ISY1: variants seen among roughly 807,000 people sequenced by gnomAD.
ISY1 encodes the protein pre-mRNA-splicing factor ISY1 homolog.
A neutral mutation model predicts 54.4 loss-of-function variants in ISY1; 12 were observed. That is an observed-to-expected ratio of 0.22 (90% CI 0.14 to 0.36). The LOEUF is 0.36. ISY1 is among the 10% of genes least tolerant of loss of function. ISY1 has a pLI of 1.00. For synonymous variants in ISY1, 96 were observed against 117.9 expected (o/e 0.81, Z 1.20); for missense variants, 282 against 342.2 (o/e 0.82, Z 1.39).
chr3:129,158,442 A>C (rs1482411518), intron 3 of ISY1, 66 bp downstream of exon 3: 1 of 1,599,420 alleles, frequency 6.3e-7, no homozygotes, highest in African/African-American at 1.3e-5. Context: ...TACAGGCATG[A>C]GCCACTGCAC....
In ISY1 at chr3:129,134,187, C is replaced by G. The variant is rs563215458; in HGVS notation, c.550G>C (p.Glu184Gln). 3.1e-6 allele frequency: 5 copies of G among 1,614,062 alleles called. No homozygotes were observed. Among genetic ancestry groups the G allele is most frequent in the African/African-American group, 1.3e-5 (1 of 74,940 alleles). ...EQEYEKKLRA[E>Q]LVEKWKAERE... ...TCTGCTTTCCACTTTTCCACTAACT[C>G]GGCTCTGACTGAACACAAGAGAGGG... The change falls in exon 9 of 11, where the codon GAG becomes CAG. Residue 184 changes from glutamate (E) to glutamine (Q), a missense_variant. Around this residue, in one of 2 missense-constraint regions of ISY1, gnomAD observed 279 missense variants for 323.6 expected, o/e 0.86. Coordinates refer to ENST00000393295, the MANE Select transcript of ISY1 (RefSeq NM_020701.4).
chr3:129,130,509 G>A (rs751872252), intron 10 of ISY1, 41 bp downstream of exon 10: 2 of 1,609,106 alleles, frequency 1.2e-6, no homozygotes, highest in Non-Finnish European at 8.5e-7. Flanking sequence ...CTGCTTTAGA[G>A]AAGCCCCCGG....
chr3:129,139,927 C>A (rs1936557860), intron 7 of ISY1, among the ~76,000 whole-genome samples: 4 of 152,196 alleles, frequency 2.6e-5, no homozygotes, highest in Admixed American at 2.6e-4. Context: ...CAGGCATGAG[C>A]CACAGTGCTG....
chr3:129,136,703 T>C (rs1357821652), intron 7 of ISY1, among the ~76,000 whole-genome samples: 1 of 150,296 alleles, frequency 6.7e-6, no homozygotes, highest in East Asian at 2.0e-4. Context: ...TTTTTTTTTT[T>C]TTTAAAGACA....
intron 3 of ISY1, among the ~76,000 whole-genome samples, 163 bp downstream of exon 3, chr3:129,158,342 AAAG>A (rs1417771908): frequency 6.6e-6 from 1 of 151,518 alleles, no homozygotes; most frequent in Admixed American, 6.6e-5. Flanking sequence ...TATTTTTTGT[AAAG>A]AAGGGATTTT....
At chr3:129,142,449 T>C (rs1936648113) in intron 6 of ISY1, among the ~76,000 whole-genome samples, 1 of 152,222 alleles carries the variant, frequency 6.6e-6, no homozygotes, top group Non-Finnish European at 1.5e-5. Context: ...CATGATGTAT[T>C]GTAACCTACC....
chr3:129,141,354 C>T (rs1431806883), intron 6 of ISY1, among the ~76,000 whole-genome samples: 1 of 152,076 alleles, frequency 6.6e-6, no homozygotes, highest in Non-Finnish European at 1.5e-5. Flanking sequence ...TGGCAAAACC[C>T]TGTCTCTACA....
rs1936188181 is a variant in ISY1, at chr3:129,129,815, A to G, written c.*266T>C. 2 of 336,002 alleles carry G rather than the reference A, an allele frequency of 6.0e-6. No homozygotes were observed. The highest frequency in any genetic ancestry group is 2.1e-5 in the African/African-American group (1 of 47,372). The allele number at this position is 336,002 out of a possible 1,614,324, so 20.8% of individuals were successfully genotyped here. On this transcript the variant is annotated 3_prime_UTR_variant, in exon 11 of 11. Transcript: ENST00000393295. ...CCTCAAAATGGCAGTGCAAGTCAAA[A>G]TAAGACACAGGCAGCCAGTTCGCAA...
intron 6 of ISY1, among the ~76,000 whole-genome samples, chr3:129,142,824 G>A (rs1936661181): frequency 6.6e-6 from 1 of 152,180 alleles, no homozygotes; most frequent in Non-Finnish European, 1.5e-5. Context: ...GGGAGCCAAG[G>A]CAGGTGGATC....
intron 6 of ISY1, chr3:129,144,230 TA>T: frequency 5.7e-6 from 2 of 351,498 alleles, no homozygotes. Context: ...CATATAAAAA[TA>T]AAAAACAGCA....
intron 2 of ISY1, 79 bp from the exon 3 acceptor site, chr3:129,158,638 G>A: frequency 1.9e-6 from 3 of 1,580,388 alleles, no homozygotes; most frequent in Non-Finnish European, 1.7e-6. Context: ...TCCTGTATGG[G>A]GTAGATCTGC....
intron 5 of ISY1, among the ~76,000 whole-genome samples, chr3:129,146,669 G>A (rs974849663): frequency 4.6e-5 from 7 of 152,206 alleles, no homozygotes; most frequent in South Asian, 2.1e-4. Context: ...TGGCTTTCAC[G>A]GGTATAAAAA....
intron 6 of ISY1, among the ~76,000 whole-genome samples, chr3:129,145,422 C>T (rs1936737887): frequency 6.6e-6 from 1 of 152,090 alleles, no homozygotes; most frequent in Non-Finnish European, 1.5e-5. Context: ...GGGCTTTTGC[C>T]ATACTGGCCA....
chr3:129,149,611 ATATATAT>A (rs1251611382), intron 5 of ISY1, among the ~76,000 whole-genome samples: 11 of 43,530 alleles, frequency 2.5e-4, no homozygotes, highest in African/African-American at 1.1e-3. Context: ...AAAAAAAAAA[ATATATAT>A]ATATATATAT....
intron 6 of ISY1, 140 bp downstream of exon 6, chr3:129,145,621 T>C (rs1416724576): frequency 1.2e-5 from 9 of 724,544 alleles, no homozygotes; most frequent in Non-Finnish European, 2.3e-6. Flanking sequence ...ATGCATGTGC[T>C]GTGAGGTCTT....
At position 129,156,622 on chromosome 3, in the gene ISY1, A is replaced by T; in HGVS notation, c.187+11T>A. On this transcript the variant is annotated intron_variant, in intron 5 of 10. Transcript: ENST00000393295. ...GAGAATCAAGCACTTTAAAGGAACA[A>T]GTTTGCTTACCATTCTGAATCTGAG... 6.2e-7 allele frequency: 1 copy of T among 1,611,472 alleles called. No individual in the cohort carries two copies. The highest frequency in any genetic ancestry group is 1.1e-5 in the South Asian group (1 of 90,230).
intron 5 of ISY1, among the ~76,000 whole-genome samples, chr3:129,156,191 G>A (rs1051090575): frequency 7.2e-5 from 11 of 152,106 alleles, no homozygotes; most frequent in African/African-American, 2.2e-4. Flanking sequence ...AAGGTCAGGA[G>A]ATCAAGACCA....
chr3:129,144,193 A>G (rs1468431351), intron 6 of ISY1: 2 of 430,794 alleles, frequency 4.6e-6, no homozygotes, highest in East Asian at 1.4e-4. Context: ...ACATATACTA[A>G]AATCGGAATG....
In ISY1 at chr3:129,133,597, G is replaced by A. The variant is rs1936299073; in HGVS notation, c.663+477C>T. Among the ~76,000 whole-genome samples, 7 of 152,356 alleles carry A rather than the reference G, an allele frequency of 4.6e-5. No individual in the cohort carries two copies. In the South Asian group the frequency reaches 1.4e-3, roughly 32 times the overall value. On this transcript the variant is annotated intron_variant, in intron 9 of 10. Transcript: ENST00000393295. ...TAGTCCCAGCTACTTGGGAGGTTGA[G>A]GCAGAAGAATTGCTTGAACCCGGAA...
Sources: gnomAD v4.1 joint callset for allele counts (sites outside exome capture counted in the v4.1 genomes callset) on GRCh38, gnomAD v4.1.1 for gene constraint, gnomAD v4.1.1 regional missense constraint, MANE v1.5 for transcripts, NCBI Gene and HGNC (gene_info 2026-07-23, HGNC 2026-07-21) for gene names.